Variants in KCNMA1 observed in about 807,000 individuals in gnomAD.
KCNMA1 encodes the protein Calcium-activated potassium channel subunit alpha-1.
A neutral mutation model predicts 140.0 loss-of-function variants in KCNMA1; 29 were observed. That is an observed-to-expected ratio of 0.21 (90% CI 0.15 to 0.28). The LOEUF is 0.28. KCNMA1 is among the 10% of genes least tolerant of loss of function. The probability of loss-of-function intolerance (pLI) is 1.00; values close to 1 mark genes in which losing one functional copy is unlikely to be tolerated. For synonymous variants in KCNMA1, 612 were observed against 611.9 expected, an observed-to-expected ratio of 1.00 and a Z score of 0.00; for missense variants, 880 against 1,602.2, an observed-to-expected ratio of 0.55 and a Z score of 7.70.
chr10:77,403,515 C>T (rs2096354745), intron 2 of KCNMA1, among the ~76,000 whole-genome samples: 1 of 152,136 alleles, frequency 6.6e-6, no homozygotes, highest in Admixed American at 6.5e-5. Flanking sequence ...CATTTGTAGC[C>T]CTTCCATGAG....
At chr10:77,303,763 A>C (rs10824517) in intron 2 of KCNMA1, among the ~76,000 whole-genome samples, 54,974 of 151,936 alleles carry the variant, frequency 0.36, 11,428 homozygotes, top group African/African-American at 0.55. Flanking sequence ...CACAGACTTA[A>C]AGACTCAGAA....
At chr10:77,194,533 G>C (rs560938128) in intron 3 of KCNMA1, among the ~76,000 whole-genome samples, 2 of 152,162 alleles carry the variant, frequency 1.3e-5, no homozygotes, top group Non-Finnish European at 2.9e-5. Flanking sequence ...TACCTGTAAG[G>C]ATTTGGAGTA....
rs1566785821 is a variant in KCNMA1, at chr10:77,427,724, TATTTATTTATTTA to T, written c.379-23714_379-23702del. Among the ~76,000 whole-genome samples the T allele has an allele frequency of 1.5e-3, 150 of 100,382 alleles. No individual in the cohort carries two copies. In the Middle Eastern group the frequency reaches 0.033, roughly 22 times the overall value. 65.9% of individuals were successfully genotyped at this position (100,382 alleles called of 152,430 possible). A position where few individuals can be genotyped will look rare whatever the true frequency, so the allele number is the denominator to read the frequency against. ...AATCCTGAGCATCCATCCATTCATTTATTTATTTATTTATTTATTTATTTATTTATTTATTTAT... is the reference window on the plus strand; with the variant it reads ...AATCCTGAGCATCCATCCATTCATTTTTTATTTATTTATTTATTTATTTAT... On this transcript the variant is annotated intron_variant, in intron 1 of 27. Coordinates refer to ENST00000286628, the MANE Select transcript of KCNMA1 (RefSeq NM_001161352.2).
intron 14 of KCNMA1, among the ~76,000 whole-genome samples, chr10:77,065,816 T>G (rs964853075): frequency 6.6e-6 from 1 of 152,246 alleles, no homozygotes; most frequent in African/African-American, 2.4e-5. Flanking sequence ...CTTTTAAAAA[T>G]GCAGTTCTAA....
intron 2 of KCNMA1, among the ~76,000 whole-genome samples, chr10:77,376,948 A>AATAAATACATAC (rs139166652): frequency 2.6e-4 from 39 of 148,430 alleles, no homozygotes; most frequent in East Asian, 1.2e-3. Flanking sequence ...AAAATAAATA[A>AATAAATACATAC]ATACATACAT....
intron 21 of KCNMA1, chr10:76,952,293 G>T: frequency 1.1e-6 from 1 of 920,788 alleles, no homozygotes; most frequent in Non-Finnish European, 1.6e-6. Flanking sequence ...GGCCAAGGTT[G>T]GCGGATCATG....
chr10:77,206,972 G>C (rs1159293774), intron 3 of KCNMA1, among the ~76,000 whole-genome samples: 1 of 152,016 alleles, frequency 6.6e-6, no homozygotes, highest in African/African-American at 2.4e-5. Context: ...CTCACAAAAA[G>C]GATTTTCCTC....
intron 2 of KCNMA1, among the ~76,000 whole-genome samples, chr10:77,351,968 G>A (rs888324074): frequency 2.0e-5 from 3 of 152,204 alleles, no homozygotes; most frequent in African/African-American, 7.2e-5. Flanking sequence ...TTCAAGTTCA[G>A]ATTGGACAGG....
chr10:77,179,558 C>G (rs1455525399), intron 5 of KCNMA1, among the ~76,000 whole-genome samples: 1 of 152,132 alleles, frequency 6.6e-6, no homozygotes, highest in Non-Finnish European at 1.5e-5. Context: ...GAGTAAGCAC[C>G]GATGGAGGGA....
intron 18 of KCNMA1, among the ~76,000 whole-genome samples, chr10:77,009,436 C>T (rs934844196): frequency 5.3e-5 from 8 of 152,268 alleles, no homozygotes; most frequent in South Asian, 2.1e-4. Flanking sequence ...TCCACTATGG[C>T]GTCCTATGAG....
chr10:76,984,184 A>G (rs1003280603), intron 19 of KCNMA1, among the ~76,000 whole-genome samples: 22 of 137,778 alleles, frequency 1.6e-4, no homozygotes, highest in Non-Finnish European at 4.6e-5. Flanking sequence ...CAACTCTTTT[A>G]TTAGTATTAT....
chr10:76,992,251 G>T (rs1280192990), intron 19 of KCNMA1, among the ~76,000 whole-genome samples: 1 of 152,150 alleles, frequency 6.6e-6, no homozygotes, highest in African/African-American at 2.4e-5. Flanking sequence ...TGTTAGTCCT[G>T]CTCATCTGAG....
rs541286943 is a variant in KCNMA1, at chr10:77,546,300, T to G, written c.378+90965A>C. On this transcript the variant is annotated intron_variant, in intron 1 of 27. Transcript: ENST00000286628. Reference sequence around the variant, plus strand: ...ATTCCCTCTCCCTCCTCCACTGAATTCCCAGCTCACTGCCTCCCACTAGTT... The same window carrying G: ...ATTCCCTCTCCCTCCTCCACTGAATGCCCAGCTCACTGCCTCCCACTAGTT... 2.6e-4 allele frequency among the ~76,000 whole-genome samples: 40 copies of G among 151,772 alleles called. No individual in the cohort carries two copies. The East Asian group carries it at 7.6e-3, about 29-fold the overall frequency.
At chr10:77,264,347 G>C (rs2062840208) in intron 2 of KCNMA1, among the ~76,000 whole-genome samples, 1 of 152,172 alleles carries the variant, frequency 6.6e-6, no homozygotes, top group Non-Finnish European at 1.5e-5. Flanking sequence ...GTTTGAGGGT[G>C]GGTGGATGAG....
At chr10:77,535,707 G>T (rs2058732681) in intron 1 of KCNMA1, among the ~76,000 whole-genome samples, 1 of 152,198 alleles carries the variant, frequency 6.6e-6, no homozygotes, top group South Asian at 2.1e-4. Context: ...ATGTTATTCA[G>T]CCATACAAAA....
chr10:77,089,236 C>T (rs554025625), intron 10 of KCNMA1, among the ~76,000 whole-genome samples: 64 of 152,256 alleles, frequency 4.2e-4, no homozygotes, highest in South Asian at 8.3e-4. Flanking sequence ...TGCCAGAGGA[C>T]GACGATCCAC....
chr10:77,289,793 C>T (rs1327725304), intron 2 of KCNMA1, among the ~76,000 whole-genome samples: 3 of 151,998 alleles, frequency 2.0e-5, no homozygotes, highest in African/African-American at 7.2e-5. Context: ...AATAGATGGC[C>T]TACTATGCTT....
intron 16 of KCNMA1, 27 bp from the exon 17 acceptor site, chr10:77,019,126 G>C (rs1231917749): frequency 1.6e-6 from 2 of 1,217,618 alleles, no homozygotes; most frequent in African/African-American, 1.5e-5. Flanking sequence ...AACAAACAGA[G>C]AAGATACATT....
At chr10:76,909,925 C>T in intron 25 of KCNMA1, 41 bp downstream of exon 25, 1 of 1,605,518 alleles carries the variant, frequency 6.2e-7, no homozygotes. Context: ...ATTGGCACAT[C>T]CTCCACCCTT....
Sources: gnomAD v4.1 joint callset for allele counts (sites outside exome capture counted in the v4.1 genomes callset) on GRCh38, gnomAD v4.1.1 for gene constraint, MANE v1.5 for transcripts, NCBI Gene and HGNC (gene_info 2026-07-23, HGNC 2026-07-21) for gene names.